SEMA6D: variants seen among roughly 807,000 people sequenced by gnomAD.
SEMA6D encodes the protein semaphorin 6D.
A neutral mutation model predicts 106.6 loss-of-function variants in SEMA6D; 35 were observed. The observed-to-expected ratio is 0.33, with a 90% CI of 0.25 to 0.44. The LOEUF (loss-of-function observed/expected upper bound fraction) is 0.44, where lower values mean the gene tolerates loss of function less well. Ranked by LOEUF, SEMA6D falls within the 20% of genes least tolerant of loss-of-function variation. The pLI is 1.00. For missense variants in SEMA6D, 1,185 were observed against 1,345.9 expected (o/e 0.88, Z 1.87); for synonymous variants, 499 against 487.7 (o/e 1.02, Z -0.31).
At chr15:47,244,267 C>A (rs1050321171) in intron 1 of SEMA6D, among the ~76,000 whole-genome samples, 7 of 152,094 alleles carry the variant, frequency 4.6e-5, no homozygotes, top group Non-Finnish European at 1.0e-4. Flanking sequence ...GGATTTGAAT[C>A]TTTTCCATTG....
intron 1 of SEMA6D, among the ~76,000 whole-genome samples, chr15:47,317,320 C>G (rs910522395): frequency 2.0e-5 from 3 of 151,880 alleles, no homozygotes; most frequent in African/African-American, 7.3e-5. Flanking sequence ...TCCAGTTTGT[C>G]TGGCTGGAAG....
Position 47,771,492 on chromosome 15 carries a change from A to G in SEMA6D, c.2929A>G (p.Met977Val). 1.2e-6 allele frequency: 2 copies of G among 1,614,138 alleles called. No individual in the cohort carries two copies. Among genetic ancestry groups the G allele is most frequent in the Non-Finnish European group, 1.7e-6 (2 of 1,180,000 alleles). ...CTCCCAGAGGCACTCTATATCTGCT[A>G]TGCCTAAAAACTTAAACTCACCAAA... Reference protein sequence around the residue: ...NSSQRHSISAMPKNLNSPNGV... With the variant: ...NSSQRHSISAVPKNLNSPNGV... Residue 977 changes from methionine to valine, a missense_variant, in exon 19 of 19, where the codon ATG becomes GTG. Coordinates refer to ENST00000536845, the MANE Select transcript of SEMA6D (RefSeq NM_001358351.3).
intron 1 of SEMA6D, among the ~76,000 whole-genome samples, chr15:47,383,951 A>G (rs2039729256): frequency 6.6e-6 from 1 of 152,220 alleles, no homozygotes; most frequent in Non-Finnish European, 1.5e-5. Flanking sequence ...GCACATGCAC[A>G]TATATACAGA....
chr15:47,587,200 GC>G (rs1203888712), intron 3 of SEMA6D, among the ~76,000 whole-genome samples: 1 of 152,074 alleles, frequency 6.6e-6, no homozygotes, highest in Admixed American at 6.5e-5. Flanking sequence ...GTGCAGGAGG[GC>G]CCTGCAAGGC....
intron 1 of SEMA6D, among the ~76,000 whole-genome samples, chr15:47,329,756 A>G (rs1419430121): frequency 6.6e-6 from 1 of 152,156 alleles, no homozygotes; most frequent in African/African-American, 2.4e-5. Flanking sequence ...GACTTACCAA[A>G]TATATTTAGG....
intron 4 of SEMA6D, among the ~76,000 whole-genome samples, chr15:47,710,734 C>CT (rs1353043872): frequency 2.0e-5 from 3 of 152,138 alleles, no homozygotes; most frequent in Non-Finnish European, 2.9e-5. Context: ...CCTTCTGGAC[C>CT]TTTTTGGATT....
intron 2 of SEMA6D, among the ~76,000 whole-genome samples, chr15:47,452,577 CA>C (rs1407622678): frequency 6.6e-6 from 1 of 151,758 alleles, no homozygotes; most frequent in Non-Finnish European, 1.5e-5. Flanking sequence ...AAAATACTGA[CA>C]TTTTTAAGGA....
intron 1 of SEMA6D, chr15:47,393,307 T>C (rs281297): frequency 0.5 from 75,724 of 152,074 alleles, 20,719 homozygotes; most frequent in East Asian, 0.73. Context: ...AGGAGATACT[T>C]GACATCATAC....
At chr15:47,573,445 T>C (rs78920161) in intron 3 of SEMA6D, among the ~76,000 whole-genome samples, 2,995 of 152,332 alleles carry the variant, frequency 0.02, 104 homozygotes, top group African/African-American at 0.068. Flanking sequence ...TTGAATTAAA[T>C]ACTGATCTTA....
At chr15:47,641,752 C>G (rs948231137) in intron 4 of SEMA6D, among the ~76,000 whole-genome samples, 3 of 152,164 alleles carry the variant, frequency 2.0e-5, no homozygotes, top group Non-Finnish European at 2.9e-5. Context: ...TTTAGTTCCT[C>G]CCAATCATAG....
intron 1 of SEMA6D, among the ~76,000 whole-genome samples, chr15:47,307,199 G>A (rs568246722): frequency 2.0e-5 from 3 of 152,292 alleles, no homozygotes; most frequent in Admixed American, 6.5e-5. Flanking sequence ...ATAGAGAACA[G>A]TCAATAAAAT....
chr15:47,517,957 C>T (rs1227758791), intron 3 of SEMA6D, among the ~76,000 whole-genome samples: 9 of 152,106 alleles, frequency 5.9e-5, no homozygotes, highest in Non-Finnish European at 1.2e-4. Context: ...TTCCTTTTTT[C>T]CAAGCTGGGC....
intron 3 of SEMA6D, among the ~76,000 whole-genome samples, chr15:47,600,530 T>TAAC (rs145529962): frequency 5.1e-4 from 77 of 152,124 alleles, no homozygotes; most frequent in Middle Eastern, 3.4e-3. Flanking sequence ...TTTAAAAGTT[T>TAAC]AACAACAACA....
chr15:47,379,160 A>G (rs114880158), intron 1 of SEMA6D, among the ~76,000 whole-genome samples: 2,715 of 152,306 alleles, frequency 0.018, 97 homozygotes, highest in African/African-American at 0.063. Flanking sequence ...TTATCTCACT[A>G]ATAAATTAAT....
At chr15:47,193,933 A>G (rs1894148679) in intron 1 of SEMA6D, among the ~76,000 whole-genome samples, 1 of 151,986 alleles carries the variant, frequency 6.6e-6, no homozygotes, top group Non-Finnish European at 1.5e-5. Flanking sequence ...TTTCCCCTCT[A>G]TTTCATGACT....
chr15:47,442,372 T>G (rs1391522479), intron 2 of SEMA6D, among the ~76,000 whole-genome samples: 3 of 152,100 alleles, frequency 2.0e-5, no homozygotes, highest in Non-Finnish European at 4.4e-5. Flanking sequence ...TGGCTGCCTC[T>G]TCTTTCTTTT....
chr15:47,766,734 C>T (rs1477423970), intron 16 of SEMA6D, 57 bp downstream of exon 16: 25 of 1,139,142 alleles, frequency 2.2e-5, no homozygotes, highest in African/African-American at 3.1e-5. Context: ...ATTTGCACGT[C>T]GACATTATTT....
intron 2 of SEMA6D, among the ~76,000 whole-genome samples, chr15:47,451,033 CAAAA>C (rs1241560918): frequency 6.6e-6 from 1 of 152,146 alleles, no homozygotes; most frequent in South Asian, 2.1e-4. Context: ...AACAAACAAA[CAAAA>C]AACTCAAAAA....
chr15:47,445,230 C>T (rs1044388575), intron 2 of SEMA6D, among the ~76,000 whole-genome samples: 10 of 151,968 alleles, frequency 6.6e-5, no homozygotes, highest in African/African-American at 2.4e-4. Context: ...AAAAAGACAA[C>T]TTTTGGGTGA....
Sources: gnomAD v4.1 joint callset for allele counts (sites outside exome capture counted in the v4.1 genomes callset) on GRCh38, gnomAD v4.1.1 for gene constraint, MANE v1.5 for transcripts, NCBI Gene and HGNC (gene_info 2026-07-23, HGNC 2026-07-21) for gene names.